Variants in RFX4 observed in about 807,000 individuals in gnomAD.
RFX4 encodes the protein transcription factor RFX4.
In RFX4, 10 loss-of-function variants were observed where a neutral mutation model predicts 95.0. That is an observed-to-expected ratio of 0.11 (90% CI 0.06 to 0.18). RFX4 has a LOEUF of 0.18. Ranked by LOEUF, RFX4 falls within the 10% of genes least tolerant of loss-of-function variation. RFX4 has a pLI of 1.00. For synonymous variants in RFX4, 321 were observed against 340.7 expected (o/e 0.94, Z 0.64); for missense variants, 640 against 922.0 (o/e 0.69, Z 3.96).
At chr12:106,753,772 G>A (rs770589763) in intron 17 of RFX4, among the ~76,000 whole-genome samples, 8 of 152,198 alleles carry the variant, frequency 5.3e-5, no homozygotes, top group Non-Finnish European at 8.8e-5. Flanking sequence ...AGTGTACACT[G>A]AGCAGATGAG....
At chr12:106,684,711 T>C (rs981260758) in intron 5 of RFX4, 22 of 1,489,254 alleles carry the variant, frequency 1.5e-5, no homozygotes, top group Non-Finnish European at 2.0e-5. Flanking sequence ...GAGTTCCAGG[T>C]GGGAAGGCAG....
At chr12:106,593,595 A>C (rs1428140790) in intron 1 of RFX4, among the ~76,000 whole-genome samples, 1 of 152,232 alleles carries the variant, frequency 6.6e-6, no homozygotes, top group Non-Finnish European at 1.5e-5. Flanking sequence ...AAATGATGTC[A>C]GTGCCTTTGT....
Position 106,761,310 on chromosome 12 carries a change from G to C in RFX4, c.2049G>C (p.Thr683=), listed in dbSNP as rs1032469537. Residue 683 remains threonine (T), a synonymous_variant, in exon 18 of 18, where the codon ACG becomes ACC. Coordinates refer to ENST00000392842, the MANE Select transcript of RFX4 (RefSeq NM_213594.3). ...PRWPEVPSAN[T]CYTSPSVHSA... ...GGCCAGAGGTGCCCTCAGCCAACAC[G>C]TGCTACACAAGCCCGTCTGTGCATT... The C allele has an allele frequency of 6.2e-7, 1 of 1,613,918 alleles. No individual in the cohort carries two copies. The highest frequency in any genetic ancestry group is 1.3e-5 in the African/African-American group (1 of 74,888).
chr12:106,665,605 T>C lies in RFX4; in HGVS notation c.315+11254T>C, dbSNP rs75692893. On this transcript the variant is annotated intron_variant, in intron 4 of 17. Coordinates refer to ENST00000392842, the MANE Select transcript of RFX4 (RefSeq NM_213594.3). The stretch of plus-strand genomic sequence containing the variant: ...CTTCTGCTGCCCTTTGCAGTTTTAA[T>C]TGAGCATTTCATATCATTCCATTTT... 7.1e-3 allele frequency among the ~76,000 whole-genome samples: 1,084 copies of C among 152,144 alleles called. 15 individuals carry two copies. Among genetic ancestry groups the C allele is most frequent in the African/African-American group, 0.024 (1,013 of 41,560 alleles).
At chr12:106,753,101 C>CT (rs756857867) in intron 17 of RFX4, among the ~76,000 whole-genome samples, 4 of 152,128 alleles carry the variant, frequency 2.6e-5, no homozygotes, top group Non-Finnish European at 5.9e-5. Flanking sequence ...GACCGTGACA[C>CT]TTTCCCTGTC....
At chr12:106,686,019 A>G (rs2041637297) in intron 5 of RFX4, among the ~76,000 whole-genome samples, 1 of 152,250 alleles carries the variant, frequency 6.6e-6, no homozygotes, top group African/African-American at 2.4e-5. Context: ...GAGTTAATAA[A>G]AAGTTCTGGT....
chr12:106,720,698 A>G lies in RFX4; in HGVS notation c.1234-61A>G, dbSNP rs1475496595. ...CACTTCAACCGGCCTCATTTTTCAA[A>G]GAGACAGTAATAAATGAAAGGTCAA... On this transcript the variant is annotated intron_variant, in intron 12 of 17. Transcript: ENST00000392842. The surrounding 1 kb of genome is among the most constrained non-coding windows in gnomAD (Gnocchi z 4.2). 1.3e-6 allele frequency: 2 copies of G among 1,514,808 alleles called. No homozygotes were observed. Among genetic ancestry groups the G allele is most frequent in the Non-Finnish European group, 1.8e-6 (2 of 1,090,552 alleles). 93.8% of individuals were successfully genotyped at this position (1,514,808 alleles called of 1,614,324 possible). A position where few individuals can be genotyped will look rare whatever the true frequency, so the allele number is the denominator to read the frequency against.
chr12:106,716,045 G>C (rs2042283165), intron 11 of RFX4, among the ~76,000 whole-genome samples: 1 of 152,072 alleles, frequency 6.6e-6, no homozygotes, highest in South Asian at 2.1e-4. Flanking sequence ...GGTGAACAAG[G>C]GCTTCCAACA....
chr12:106,639,421 C>G (rs2040574804), intron 3 of RFX4, 29 bp downstream of exon 3: 1 of 1,600,452 alleles, frequency 6.2e-7, no homozygotes, highest in Non-Finnish European at 8.6e-7. Flanking sequence ...CAAGTTCTGT[C>G]TTCAGAGGAT....
intron 15 of RFX4, among the ~76,000 whole-genome samples, chr12:106,734,621 A>G (rs1357906849): frequency 2.0e-5 from 3 of 151,622 alleles, no homozygotes; most frequent in Non-Finnish European, 4.4e-5. Context: ...TAATATGGAT[A>G]TATATTACCA....
chr12:106,707,039 G>A (rs2137485317), intron 8 of RFX4, among the ~76,000 whole-genome samples: 1 of 152,262 alleles, frequency 6.6e-6, no homozygotes, highest in East Asian at 1.9e-4. Context: ...TCTTGGATTT[G>A]TTTGAAACAC....
At chr12:106,741,366 A>G (rs1389958448) in intron 15 of RFX4, among the ~76,000 whole-genome samples, 1 of 152,200 alleles carries the variant, frequency 6.6e-6, no homozygotes, top group Non-Finnish European at 1.5e-5. Context: ...CCCTGTCTCA[A>G]TCATGAAGAT....
rs200353280 is a variant in RFX4, at chr12:106,687,017, C to T, written c.511C>T (p.Arg171Trp). ...VSKQTVAYSPRSKLGTLLPEF... is the reference protein window; with the variant it reads ...VSKQTVAYSPWSKLGTLLPEF... ...CAAACAGACAGTGGCATATTCACCC[C>T]GGTCCAAACTCGGAACACTGCTGCC... Residue 171 changes from arginine to tryptophan, a missense_variant, in exon 6 of 18, where the codon CGG (arginine) becomes TGG (tryptophan). Physicochemically the swap from Arg to Trp is moderately radical, Grantham distance 101. This residue lies in a region of RFX4 where 89 missense variants were observed against 173.8 expected (regional missense o/e 0.51). Transcript: ENST00000392842. 7.4e-6 allele frequency: 12 copies of T among 1,613,862 alleles called. No individual in the cohort carries two copies. The highest frequency in any genetic ancestry group is 1.6e-4 in the Middle Eastern group (1 of 6,080).
At chr12:106,631,776 A>C (rs1400947115) in intron 2 of RFX4, among the ~76,000 whole-genome samples, 2 of 152,238 alleles carry the variant, frequency 1.3e-5, no homozygotes, top group East Asian at 3.9e-4. Flanking sequence ...TGAATGGATT[A>C]AAATGATCCA....
intron 4 of RFX4, among the ~76,000 whole-genome samples, chr12:106,675,722 A>C (rs964537718): frequency 2.0e-5 from 3 of 152,204 alleles, no homozygotes; most frequent in African/African-American, 7.2e-5. Flanking sequence ...ACAAGCTGAG[A>C]TGTGAGGATG....
At chr12:106,652,761 A>G (rs1207776013) in intron 3 of RFX4, among the ~76,000 whole-genome samples, 1 of 152,156 alleles carries the variant, frequency 6.6e-6, no homozygotes, top group Non-Finnish European at 1.5e-5. Flanking sequence ...ACATGTTGGA[A>G]TAAGTTGAGC....
chr12:106,663,378 G>A (rs2041113413), intron 4 of RFX4, among the ~76,000 whole-genome samples: 1 of 151,956 alleles, frequency 6.6e-6, no homozygotes, highest in Admixed American at 6.6e-5. Context: ...TGGTATATAG[G>A]AAAGTGATTG....
intron 3 of RFX4, among the ~76,000 whole-genome samples, chr12:106,651,355 A>G (rs541229514): frequency 6.6e-6 from 1 of 152,210 alleles, no homozygotes; most frequent in East Asian, 1.9e-4. Flanking sequence ...AAACATATGT[A>G]TAAATACCTA....
At chr12:106,653,035 G>C (rs992591581) in intron 3 of RFX4, among the ~76,000 whole-genome samples, 13 of 152,182 alleles carry the variant, frequency 8.5e-5, no homozygotes, top group African/African-American at 3.1e-4. Flanking sequence ...AATGATCAAA[G>C]GAGAAATGTT....
Sources: allele counts gnomAD v4.1 joint callset (sites outside exome capture counted in the v4.1 genomes callset), GRCh38; gene constraint gnomAD v4.1.1; regional missense constraint gnomAD v4.1.1; non-coding constraint Gnocchi (gnomAD v3.1); transcripts MANE v1.5; gene names NCBI Gene and HGNC (gene_info 2026-07-23, HGNC 2026-07-21).